Variants in IL1RAPL2 observed in about 807,000 individuals in gnomAD.
IL1RAPL2 encodes the protein interleukin 1 receptor accessory protein like 2, also known as X-linked interleukin-1 receptor accessory protein-like 2.
Under a neutral mutation model 44.1 loss-of-function variants are expected in IL1RAPL2, and 3 were observed. The observed-to-expected ratio is 0.07, with a 90% CI of 0.03 to 0.18. The LOEUF (loss-of-function observed/expected upper bound fraction) is 0.18, where lower values mean the gene tolerates loss of function less well. Ranked by LOEUF, IL1RAPL2 falls within the 10% of genes least tolerant of loss-of-function variation. IL1RAPL2 has a pLI of 1.00. For missense variants in IL1RAPL2, 391 were observed against 496.4 expected, an observed-to-expected ratio of 0.79 and a Z score of 2.02; for synonymous variants, 181 against 178.8, an observed-to-expected ratio of 1.01 and a Z score of -0.10.
chrX:105,197,019 G>A (rs1169553644), intron 3 of IL1RAPL2, among the ~76,000 whole-genome samples: 1 of 111,585 alleles, frequency 9.0e-6, no homozygotes, highest in Non-Finnish European at 1.9e-5. Flanking sequence ...AAGCCCAGGA[G>A]AACAAGGTGG....
intron 6 of IL1RAPL2, among the ~76,000 whole-genome samples, chrX:105,693,721 A>T (rs2038054769): frequency 8.9e-6 from 1 of 111,900 alleles, no homozygotes; most frequent in African/African-American, 3.3e-5. Context: ...CAGTCCTTAT[A>T]AGAGAGAGGC....
intron 2 of IL1RAPL2, among the ~76,000 whole-genome samples, chrX:105,059,139 T>A (rs1244564164): frequency 2.7e-5 from 3 of 112,352 alleles, no homozygotes; most frequent in Non-Finnish European, 5.6e-5. Context: ...TATCCAATTA[T>A]ACTCTTTCAG....
chrX:104,931,996 A>ATTTTT (rs34874206), intron 2 of IL1RAPL2, among the ~76,000 whole-genome samples: 3 of 84,790 alleles, frequency 3.5e-5, no homozygotes, highest in Non-Finnish European at 6.5e-5. Flanking sequence ...ATATATATAT[A>ATTTTT]TTTTTTTTTT....
At chrX:105,133,360 A>G (rs2033046165) in intron 2 of IL1RAPL2, among the ~76,000 whole-genome samples, 1 of 111,749 alleles carries the variant, frequency 8.9e-6, no homozygotes, top group South Asian at 3.7e-4. Context: ...CATTATAAGC[A>G]GATAAATGTA....
intron 2 of IL1RAPL2, among the ~76,000 whole-genome samples, chrX:104,951,950 A>G (rs765259293): frequency 8.9e-6 from 1 of 112,407 alleles, no homozygotes; most frequent in Non-Finnish European, 1.9e-5. Flanking sequence ...CAAAAAGGCT[A>G]TGTATTGAGA....
chrX:104,967,668 GAGA>G (rs1295639009), intron 2 of IL1RAPL2, among the ~76,000 whole-genome samples: 25 of 110,921 alleles, frequency 2.3e-4, no homozygotes, highest in African/African-American at 6.2e-4. Context: ...GTACATACAT[GAGA>G]AGAAGAAAGA....
At chrX:105,321,830 A>G (rs2034899567) in intron 5 of IL1RAPL2, among the ~76,000 whole-genome samples, 1 of 112,793 alleles carries the variant, frequency 8.9e-6, no homozygotes, top group African/African-American at 3.2e-5. Flanking sequence ...TTGCACACAA[A>G]TTGAGATTGC....
At chrX:105,251,506 A>G (rs2034268245) in intron 4 of IL1RAPL2, among the ~76,000 whole-genome samples, 2 of 110,642 alleles carry the variant, frequency 1.8e-5, no homozygotes, top group African/African-American at 6.5e-5. Context: ...CCCTGAAACC[A>G]TAGTCAGCAA....
chrX:104,633,710 C>G (rs184972139), intron 1 of IL1RAPL2, among the ~76,000 whole-genome samples: 1 of 110,588 alleles, frequency 9.0e-6, no homozygotes, highest in Non-Finnish European at 1.9e-5. Flanking sequence ...TTTTTTATTG[C>G]GTCTATTTGA....
At chrX:105,723,138 A>T (rs932420768) in intron 7 of IL1RAPL2, among the ~76,000 whole-genome samples, 3 of 111,521 alleles carry the variant, frequency 2.7e-5, no homozygotes, top group African/African-American at 9.8e-5. Flanking sequence ...TTTGCTTAGC[A>T]ATTTCTTTCA....
intron 2 of IL1RAPL2, among the ~76,000 whole-genome samples, chrX:104,887,704 C>T (rs970301627): frequency 3.6e-5 from 4 of 111,850 alleles, no homozygotes; most frequent in Non-Finnish European, 3.8e-5. Flanking sequence ...ACCAATCGAG[C>T]ATGACTGCCA....
In IL1RAPL2 at chrX:105,477,258, G is replaced by T. The variant is rs142491259; in HGVS notation, c.698-7055G>T. Among the ~76,000 whole-genome samples, 3 of 111,680 alleles carry T rather than the reference G, an allele frequency of 2.7e-5. No individual in the cohort carries two copies. In the Admixed American group the frequency reaches 2.9e-4, roughly 11 times the overall value. ...ATTAAGGATGATATTGAATAATCATGATTTTTCTATACTTTTTCCTGGATA... is the reference window on the plus strand; with the variant it reads ...ATTAAGGATGATATTGAATAATCATTATTTTTCTATACTTTTTCCTGGATA... On this transcript the variant is annotated intron_variant, in intron 5 of 10. Coordinates refer to ENST00000372582, the MANE Select transcript of IL1RAPL2 (RefSeq NM_017416.2).
intron 2 of IL1RAPL2, among the ~76,000 whole-genome samples, chrX:104,744,553 GT>G (rs1361375460): frequency 1.8e-5 from 2 of 111,166 alleles, no homozygotes; most frequent in Non-Finnish European, 3.8e-5. Context: ...TTATTCATTT[GT>G]TTAGTCACTT....
At chrX:105,038,979 C>A (rs2031674778) in intron 2 of IL1RAPL2, among the ~76,000 whole-genome samples, 2 of 111,300 alleles carry the variant, frequency 1.8e-5, no homozygotes, top group Admixed American at 1.9e-4. Flanking sequence ...AAGGGAATAT[C>A]AATGCCTATA....
chrX:104,655,417 C>T (rs991482842), intron 1 of IL1RAPL2, among the ~76,000 whole-genome samples: 6 of 111,773 alleles, frequency 5.4e-5, no homozygotes, highest in African/African-American at 1.9e-4. Context: ...TCTTCTGCAT[C>T]TATTGAGATA....
intron 2 of IL1RAPL2, among the ~76,000 whole-genome samples, chrX:104,849,213 A>G (rs977055619): frequency 4.7e-5 from 5 of 106,256 alleles, no homozygotes; most frequent in South Asian, 4.2e-4. Context: ...TATTTTTTGT[A>G]GAGATGGGAT....
intron 2 of IL1RAPL2, among the ~76,000 whole-genome samples, chrX:105,041,397 G>T (rs775648642): frequency 8.7e-4 from 96 of 110,817 alleles, no homozygotes; most frequent in African/African-American, 3.0e-3. Context: ...TATTAGGTCT[G>T]TTTGGTGCAG....
At chrX:105,043,567 A>G (rs980919604) in intron 2 of IL1RAPL2, among the ~76,000 whole-genome samples, 85 of 73,112 alleles carry the variant, frequency 1.2e-3, no homozygotes, top group African/African-American at 5.9e-3. Context: ...CTCAAAGCAG[A>G]AAAAAAAAAA....
At chrX:105,439,541 G>A (rs1266993068) in intron 5 of IL1RAPL2, among the ~76,000 whole-genome samples, 40 of 95,208 alleles carry the variant, frequency 4.2e-4, no homozygotes, top group Non-Finnish European at 7.2e-4. Context: ...AAAAAAAAAT[G>A]GGGTAAGGAA....
Sources: allele counts gnomAD v4.1 joint callset (sites outside exome capture counted in the v4.1 genomes callset), GRCh38; gene constraint gnomAD v4.1.1; transcripts MANE v1.5; gene names NCBI Gene and HGNC (gene_info 2026-07-23, HGNC 2026-07-21).